The following RARB variants were observed in gnomAD, a reference collection of about 807,000 sequenced individuals.
The protein encoded by RARB is HBV-activated protein.
Under a neutral mutation model 51.9 loss-of-function variants are expected in RARB, and 17 were observed. That is an observed-to-expected ratio of 0.33 (90% CI 0.22 to 0.49). The LOEUF (loss-of-function observed/expected upper bound fraction) is 0.49. Ranked by LOEUF, RARB falls within the 20% of genes least tolerant of loss-of-function variation. RARB has a pLI of 0.99. For synonymous variants in RARB, 215 were observed against 195.4 expected (o/e 1.10, Z -0.84); for missense variants, 369 against 550.8 (o/e 0.67, Z 3.30).
chr3:24,994,884 C>A (rs1696989930), intron 2 of RARB, among the ~76,000 whole-genome samples: 1 of 151,950 alleles, frequency 6.6e-6, no homozygotes, highest in Non-Finnish European at 1.5e-5. Flanking sequence ...AATGCTATTT[C>A]AGTTACTACA....
chr3:25,394,473 C>G (rs2125489677), intron 5 of RARB, among the ~76,000 whole-genome samples: 1 of 152,172 alleles, frequency 6.6e-6, no homozygotes, highest in Non-Finnish European at 1.5e-5. Flanking sequence ...GTGTTGATGA[C>G]CTATCTAGCA....
chr3:25,428,708 C>T lies in RARB; in HGVS notation c.-24C>T. ...CACACCTAGAGGATAAGCACTTTTG[C>T]AGACATTCAGTGCAAGGGAGATCAT... On this transcript the variant is annotated 5_prime_UTR_variant, in exon 1 of 8. Coordinates refer to ENST00000330688, the MANE Select transcript of RARB (RefSeq NM_000965.5). The T allele has an allele frequency of 6.3e-7, 1 of 1,594,626 alleles. No homozygotes were observed. The highest frequency in any genetic ancestry group is 8.6e-7 in the Non-Finnish European group (1 of 1,164,906).
In RARB at chr3:25,436,318, A is replaced by G. The variant is rs542676287; in HGVS notation, c.157+7430A>G. 3.3e-5 allele frequency among the ~76,000 whole-genome samples: 5 copies of G among 152,276 alleles called. No individual in the cohort carries two copies. The East Asian group carries it at 5.8e-4, about 18-fold the overall frequency. On this transcript the variant is annotated intron_variant, in intron 1 of 7. Coordinates refer to ENST00000330688, the MANE Select transcript of RARB (RefSeq NM_000965.5). ...TTTGGTGTACAGAACACTAATTGTTATTATTGATTTTAAATTCCGTGACCA... is the reference window on the plus strand; with the variant it reads ...TTTGGTGTACAGAACACTAATTGTTGTTATTGATTTTAAATTCCGTGACCA...
intron 2 of RARB, among the ~76,000 whole-genome samples, chr3:24,987,122 C>G (rs1696811060): frequency 6.6e-6 from 1 of 152,158 alleles, no homozygotes; most frequent in South Asian, 2.1e-4. Flanking sequence ...TTGTCTAAAT[C>G]TTTGACCAGT....
At chr3:25,090,591 C>G (rs1356023778) in intron 3 of RARB, among the ~76,000 whole-genome samples, 1 of 152,052 alleles carries the variant, frequency 6.6e-6, no homozygotes, top group Non-Finnish European at 1.5e-5. Flanking sequence ...GATGTTGTAG[C>G]CTTGGGGAAC....
chr3:25,562,211 T>C (rs773440040), intron 3 of RARB, among the ~76,000 whole-genome samples: 6 of 151,924 alleles, frequency 3.9e-5, no homozygotes, highest in Non-Finnish European at 8.8e-5. Flanking sequence ...CCTATGAAAA[T>C]TGATTATGGA....
intron 3 of RARB, among the ~76,000 whole-genome samples, chr3:25,532,349 G>A: frequency 6.6e-6 from 1 of 152,182 alleles, no homozygotes; most frequent in Admixed American, 6.5e-5. Context: ...TTTAAATCAT[G>A]TGGCTACATT....
chr3:24,946,332 G>C (rs13098995), intron 2 of RARB, among the ~76,000 whole-genome samples: 1 of 108,710 alleles, frequency 9.2e-6, no homozygotes, highest in Non-Finnish European at 2.2e-5. Context: ...TATTTTTCCA[G>C]AGTTGAGTTA....
intron 2 of RARB, among the ~76,000 whole-genome samples, chr3:25,016,035 C>A (rs1458777748): frequency 6.6e-6 from 1 of 152,160 alleles, no homozygotes; most frequent in East Asian, 1.9e-4. Flanking sequence ...GTCTTCAGGT[C>A]TTTGGTGGAA....
intron 2 of RARB, among the ~76,000 whole-genome samples, chr3:24,976,846 C>A (rs1696526849): frequency 1.3e-5 from 2 of 152,152 alleles, no homozygotes; most frequent in Non-Finnish European, 2.9e-5. Flanking sequence ...ATGCCTATGT[C>A]CTGAATGGTA....
chr3:25,064,307 A>T (rs1015480476), intron 3 of RARB, among the ~76,000 whole-genome samples: 1 of 152,134 alleles, frequency 6.6e-6, no homozygotes, highest in East Asian at 1.9e-4. Context: ...GATACAAAAG[A>T]GATCTCTCAA....
intron 4 of RARB, among the ~76,000 whole-genome samples, chr3:25,580,141 G>A (rs774207693): frequency 2.0e-5 from 3 of 152,212 alleles, no homozygotes; most frequent in Non-Finnish European, 4.4e-5. Context: ...TTGGGAGGCC[G>A]AGGCGGGTGA....
chr3:25,412,896 G>A (rs1032904290), intron 5 of RARB, among the ~76,000 whole-genome samples: 4 of 152,096 alleles, frequency 2.6e-5, no homozygotes, highest in African/African-American at 9.7e-5. Flanking sequence ...GCGCATGCCT[G>A]TAATCCCACC....
intron 5 of RARB, among the ~76,000 whole-genome samples, chr3:25,250,577 A>G (rs748646536): frequency 8.5e-5 from 13 of 152,132 alleles, no homozygotes; most frequent in Non-Finnish European, 1.9e-4. Flanking sequence ...ACAGTGGCTC[A>G]TGATTCACGC....
chr3:25,181,771 G>C (rs1700866100), intron 5 of RARB, among the ~76,000 whole-genome samples: 1 of 152,072 alleles, frequency 6.6e-6, no homozygotes, highest in Non-Finnish European at 1.5e-5. Flanking sequence ...ATGCAAGTCA[G>C]TAGTAGGTTG....
intron 5 of RARB, among the ~76,000 whole-genome samples, chr3:25,184,531 G>A (rs1026090431): frequency 6.6e-6 from 1 of 152,106 alleles, no homozygotes; most frequent in South Asian, 2.1e-4. Flanking sequence ...GGAGCGGGGA[G>A]ATGCAGAAAG....
intron 3 of RARB, among the ~76,000 whole-genome samples, chr3:25,511,921 G>T (rs921463277): frequency 6.6e-6 from 1 of 152,168 alleles, no homozygotes; most frequent in Non-Finnish European, 1.5e-5. Flanking sequence ...GCATCCGGGG[G>T]AACTGATGGA....
intron 3 of RARB, among the ~76,000 whole-genome samples, chr3:25,106,449 T>A (rs1699502390): frequency 2.9e-5 from 1 of 34,670 alleles, no homozygotes; most frequent in African/African-American, 1.0e-4. Flanking sequence ...CTACTGTTTT[T>A]TGTTTTTTGT....
intron 2 of RARB, among the ~76,000 whole-genome samples, chr3:25,034,869 T>C (rs1455827054): frequency 1.3e-5 from 2 of 152,180 alleles, no homozygotes; most frequent in Non-Finnish European, 2.9e-5. Flanking sequence ...TGGAGTGCCA[T>C]TTCCATGTGG....
Sources: allele counts gnomAD v4.1 joint callset (sites outside exome capture counted in the v4.1 genomes callset), GRCh38; gene constraint gnomAD v4.1.1; transcripts MANE v1.5; gene names NCBI Gene and HGNC (gene_info 2026-07-23, HGNC 2026-07-21).